The following CHST9 variants were observed in gnomAD, a reference collection of about 807,000 sequenced individuals.
The protein encoded by CHST9 is GalNAc-4-sulfotransferase 2.
A neutral mutation model predicts 44.4 loss-of-function variants in CHST9; 41 were observed. That is an observed-to-expected ratio of 0.92 (90% CI 0.72 to 1.20). The LOEUF (loss-of-function observed/expected upper bound fraction) is 1.20. Among genes scored for constraint, CHST9 ranks in the 50% most tolerant of loss-of-function variants. CHST9 has a pLI of 0.00. For missense variants in CHST9, 504 were observed against 516.5 expected, an observed-to-expected ratio of 0.98 and a Z score of 0.23; for synonymous variants, 171 against 178.4, an observed-to-expected ratio of 0.96 and a Z score of 0.33.
intron 4 of CHST9, among the ~76,000 whole-genome samples, chr18:27,003,881 T>C (rs890159126): frequency 6.6e-6 from 1 of 152,100 alleles, no homozygotes. Flanking sequence ...TAAGAATGTG[T>C]TATTTGCTCC....
intron 2 of CHST9, among the ~76,000 whole-genome samples, chr18:27,090,563 G>A (rs531172287): frequency 3.3e-5 from 5 of 152,176 alleles, no homozygotes; most frequent in South Asian, 2.1e-4. Context: ...TTTCTTCTAG[G>A]GTTTTTATGG....
intron 2 of CHST9, among the ~76,000 whole-genome samples, chr18:27,079,533 A>T (rs897594663): frequency 7.9e-5 from 12 of 152,204 alleles, no homozygotes; most frequent in Non-Finnish European, 1.5e-4. Flanking sequence ...CATAAATTTT[A>T]AAAAAATTTA....
intron 2 of CHST9, among the ~76,000 whole-genome samples, chr18:27,098,837 A>AC (rs1449541004): frequency 2.6e-5 from 4 of 151,926 alleles, no homozygotes; most frequent in African/African-American, 9.7e-5. Context: ...GGAAAAAAAA[A>AC]AAACAAACCT....
At chr18:27,069,442 A>C (rs1162891661) in intron 2 of CHST9, among the ~76,000 whole-genome samples, 1 of 152,166 alleles carries the variant, frequency 6.6e-6, no homozygotes, top group Non-Finnish European at 1.5e-5. Flanking sequence ...CAACATGAAA[A>C]AGTGAGAAAA....
intron 3 of CHST9, among the ~76,000 whole-genome samples, chr18:27,047,599 A>G (rs1337779126): frequency 3.9e-5 from 6 of 152,114 alleles, no homozygotes; most frequent in African/African-American, 1.2e-4. Flanking sequence ...TTTGTCTTCT[A>G]TTGACTATGC....
intron 4 of CHST9, among the ~76,000 whole-genome samples, chr18:26,960,169 T>C (rs1274089497): frequency 2.0e-5 from 3 of 152,126 alleles, no homozygotes; most frequent in Non-Finnish European, 2.9e-5. Context: ...GAAATAGATA[T>C]CAGGAAAATA....
At chr18:27,020,827 G>C (rs1195612947) in intron 4 of CHST9, among the ~76,000 whole-genome samples, 1 of 152,076 alleles carries the variant, frequency 6.6e-6, no homozygotes, top group Non-Finnish European at 1.5e-5. Context: ...GATAGATCTT[G>C]GCAGCTCTCT....
rs113798598 is a variant in CHST9, at chr18:26,994,743, C to T, written c.202+29373G>A. Among the ~76,000 whole-genome samples, 456 of 152,106 alleles carry T rather than the reference C, an allele frequency of 3.0e-3. 10 individuals are homozygous for T. Among genetic ancestry groups the T allele is most frequent in the Non-Finnish European group, 2.4e-3 (163 of 68,010 alleles). ...ACCTGGGATTACAGGTGTGTATCAC[C>T]GCACCCAGCTAATTTTTGTATTTTT... On this transcript the variant is annotated intron_variant, in intron 4 of 5. Transcript: ENST00000618847.
chr18:27,084,422 G>C (rs571923603), intron 2 of CHST9, among the ~76,000 whole-genome samples: 7 of 147,300 alleles, frequency 4.8e-5, no homozygotes, highest in Non-Finnish European at 1.0e-4. Flanking sequence ...AGGTTTTCTA[G>C]TTTGAGCTCA....
At position 27,122,609 on chromosome 18, in the gene CHST9, C is replaced by T. The variant is rs554747220; in HGVS notation, c.121+20080G>A. On this transcript the variant is annotated intron_variant, in intron 2 of 5. Coordinates refer to ENST00000618847, the MANE Select transcript of CHST9 (RefSeq NM_031422.6). ...CCCATGTAATTATCCATTCAACTTA[C>T]TAATGAACATTTGTCATACAGAACT... Among the ~76,000 whole-genome samples, 249 of 152,256 alleles carry T rather than the reference C, an allele frequency of 1.6e-3. 1 individual carries two copies. Among genetic ancestry groups the T allele is most frequent in the Non-Finnish European group, 2.7e-3 (186 of 68,020 alleles).
At chr18:27,095,887 C>A (rs1075311) in intron 2 of CHST9, among the ~76,000 whole-genome samples, 123,245 of 151,948 alleles carry the variant, frequency 0.81, 50,342 homozygotes, top group East Asian at 0.92. Context: ...TGAGGCAGAA[C>A]ACCAACGAAG....
At chr18:27,071,879 TATAA>T (rs1473116481) in intron 2 of CHST9, among the ~76,000 whole-genome samples, 4 of 152,216 alleles carry the variant, frequency 2.6e-5, no homozygotes, top group Non-Finnish European at 4.4e-5. Context: ...AATGAATTAG[TATAA>T]ATAGTCTCTC....
chr18:27,117,421 T>C (rs1286692894), intron 2 of CHST9, among the ~76,000 whole-genome samples: 11 of 152,172 alleles, frequency 7.2e-5, no homozygotes, highest in Admixed American at 2.0e-4. Context: ...ATAGTTTACA[T>C]TGAGATTCAC....
At chr18:26,958,465 A>C (rs1240267481) in intron 4 of CHST9, among the ~76,000 whole-genome samples, 1 of 152,004 alleles carries the variant, frequency 6.6e-6, no homozygotes, top group Admixed American at 6.6e-5. Flanking sequence ...CTGCAAAAAA[A>C]AAAAACAAAA....
chr18:27,159,064 G>A (rs1218464755), intron 1 of CHST9, among the ~76,000 whole-genome samples: 17 of 152,134 alleles, frequency 1.1e-4, no homozygotes, highest in Admixed American at 1.1e-3. Flanking sequence ...TAGGTTGCCT[G>A]TTCACTCTGA....
Position 27,142,582 on chromosome 18 carries a change from T to C in CHST9, c.121+107A>G, listed in dbSNP as rs1487901614. 4 of 795,602 alleles carry C rather than the reference T, an allele frequency of 5.0e-6. No individual in the cohort carries two copies. The African/African-American group carries it at 5.4e-5, about 11-fold the overall frequency. The allele number at this position is 795,602 out of a possible 1,614,324, so 49.3% of individuals were successfully genotyped here. Reference sequence around the variant, plus strand: ...TTATCTTATGACTCATTTTTTGTTGTTGAAAATATTGTGATTCTCAATATA... The same window carrying C: ...TTATCTTATGACTCATTTTTTGTTGCTGAAAATATTGTGATTCTCAATATA... On this transcript the variant is annotated intron_variant, in intron 2 of 5. Transcript: ENST00000618847.
rs531446470 is a variant in CHST9, at chr18:26,908,854, T to C, written c.*7405A>G. ...AAAATATTTCCTGGGGCACTTGCTCTCAAACTAATAACCAAATAGCAAATA... is the reference window on the plus strand; with the variant it reads ...AAAATATTTCCTGGGGCACTTGCTCCCAAACTAATAACCAAATAGCAAATA... On this transcript the variant is annotated 3_prime_UTR_variant, in exon 6 of 6. Transcript: ENST00000618847. 5.9e-5 allele frequency: 9 copies of C among 152,348 alleles called. No homozygotes were observed. In the South Asian group the frequency reaches 1.9e-3, roughly 32 times the overall value. 9.4% of individuals were successfully genotyped at this position (152,348 alleles called of 1,614,324 possible). A position where few individuals can be genotyped will look rare whatever the true frequency, so the allele number is the denominator to read the frequency against.
At chr18:27,091,893 T>C (rs1318709807) in intron 2 of CHST9, among the ~76,000 whole-genome samples, 3 of 152,212 alleles carry the variant, frequency 2.0e-5, no homozygotes, top group Non-Finnish European at 4.4e-5. Flanking sequence ...TCAGGGATAT[T>C]GGTCTGAAAT....
At chr18:27,026,453 AAATAAATACAATTTATT>A (rs1413041838) in intron 3 of CHST9, among the ~76,000 whole-genome samples, 51 of 152,316 alleles carry the variant, frequency 3.3e-4, no homozygotes, top group Middle Eastern at 6.8e-3. Context: ...AATGATAGGG[AAATAAATACAATTTATT>A]TTTTATCTTT....
Sources: gnomAD v4.1 joint callset for allele counts (sites outside exome capture counted in the v4.1 genomes callset) on GRCh38, gnomAD v4.1.1 for gene constraint, MANE v1.5 for transcripts, NCBI Gene and HGNC (gene_info 2026-07-23, HGNC 2026-07-21) for gene names.